The following UNC13C variants were observed in gnomAD, a reference collection of about 807,000 sequenced individuals.
UNC13C encodes the protein unc-13 homolog C.
A neutral mutation model predicts 245.4 loss-of-function variants in UNC13C; 174 were observed. The observed-to-expected ratio is 0.71, with a 90% confidence interval of 0.63 to 0.80. The LOEUF (loss-of-function observed/expected upper bound fraction) is 0.80. Ranked by LOEUF, UNC13C falls within the 30% of genes least tolerant of loss-of-function variation. The pLI, the probability that UNC13C is intolerant of heterozygous loss-of-function variation, is 0.00. For missense variants in UNC13C, 2,829 were observed against 2,602.9 expected (o/e 1.09, Z -1.89); for synonymous variants, 992 against 895.1 (o/e 1.11, Z -1.93).
chr15:54,143,754 T>A (rs372643939), intron 4 of UNC13C, 70 bp downstream of exon 4: 51 of 1,155,158 alleles, frequency 4.4e-5, no homozygotes, highest in African/African-American at 1.8e-4. Flanking sequence ...TCAACATATA[T>A]GCTTTGAGTG....
chr15:53,913,668 T>C, the UNC13C span: 1 of 152,206 alleles, frequency 6.6e-6, no homozygotes, highest in East Asian at 1.9e-4. Flanking sequence ...AGCAGTAAAG[T>C]ACACTGATTA....
intron 11 of UNC13C, among the ~76,000 whole-genome samples, chr15:54,296,118 T>C (rs902331522): frequency 9.9e-5 from 15 of 152,270 alleles, no homozygotes; most frequent in South Asian, 2.1e-4. Context: ...AAAGCTCCCC[T>C]GGATTTCTGG....
chr15:54,292,348 A>T (rs2037319620), intron 10 of UNC13C, among the ~76,000 whole-genome samples: 1 of 151,952 alleles, frequency 6.6e-6, no homozygotes, highest in Non-Finnish European at 1.5e-5. Flanking sequence ...TGGGGTATCT[A>T]AATCTCTAGC....
chr15:53,987,004 G>T (rs970408356), intron 1 of UNC13C, among the ~76,000 whole-genome samples: 2 of 152,072 alleles, frequency 1.3e-5, no homozygotes, highest in South Asian at 4.1e-4. Context: ...ATATTTACAG[G>T]TGAGGATACT....
chr15:54,153,870 T>C (rs1453683145), intron 4 of UNC13C, among the ~76,000 whole-genome samples: 1 of 152,002 alleles, frequency 6.6e-6, no homozygotes, highest in African/African-American at 2.4e-5. Context: ...GGGGTGGCTC[T>C]TATTGAAATG....
At position 54,103,753 on chromosome 15, in the gene UNC13C, A is replaced by AT. The variant is rs201418057; in HGVS notation, c.2984-39258dup. Among the ~76,000 whole-genome samples the AT allele has an allele frequency of 3.8e-3, 581 of 151,468 alleles. 6 individuals are homozygous for AT. Among genetic ancestry groups the AT allele is most frequent in the African/African-American group, 0.014 (558 of 41,290 alleles). On this transcript the variant is annotated intron_variant, in intron 2 of 32. Coordinates refer to ENST00000260323, the MANE Select transcript of UNC13C (RefSeq NM_001080534.3). ...ATAGATCTTTTTATTTTATTTATTT[A>AT]TTTTTTTATGAGACAGAGTCTCACT...
Position 54,500,952 on chromosome 15 carries a change from T to G in UNC13C, c.5275T>G (p.Ser1759Ala). ...KLECPNPEAL[S>A]HLMRRFAKTI... The stretch of plus-strand genomic sequence containing the variant: ...GGAATGCCCTAATCCTGAAGCATTA[T>G]CTCACTTAATGAGAAGATTTGCAAA... The change falls in exon 22 of 33, where the codon TCT becomes GCT. Residue 1759 changes from serine to alanine, a missense_variant. Coordinates refer to ENST00000260323, the MANE Select transcript of UNC13C (RefSeq NM_001080534.3). The G allele has an allele frequency of 6.2e-7, 1 of 1,612,864 alleles. No homozygotes were observed. Among genetic ancestry groups the G allele is most frequent in the Non-Finnish European group, 8.5e-7 (1 of 1,179,126 alleles).
the UNC13C span, among the ~76,000 whole-genome samples, chr15:53,957,132 CTTTT>C: frequency 4.0e-4 from 49 of 121,534 alleles, no homozygotes; most frequent in African/African-American, 1.5e-3. Context: ...TGGGAATGTT[CTTTT>C]TTGTTTGTTT....
chr15:53,906,958 G>A, the UNC13C span, among the ~76,000 whole-genome samples: 1 of 150,542 alleles, frequency 6.6e-6, no homozygotes, highest in Non-Finnish European at 1.5e-5. Context: ...TAACAGCATG[G>A]GGGAACCACC....
At chr15:54,124,784 A>G (rs2030923830) in intron 2 of UNC13C, among the ~76,000 whole-genome samples, 1 of 152,118 alleles carries the variant, frequency 6.6e-6, no homozygotes, top group Non-Finnish European at 1.5e-5. Flanking sequence ...TCATTTTGAG[A>G]TAATTTTTGC....
At chr15:54,281,283 A>C (rs2036989739) in intron 10 of UNC13C, among the ~76,000 whole-genome samples, 1 of 152,154 alleles carries the variant, frequency 6.6e-6, no homozygotes, top group African/African-American at 2.4e-5. Flanking sequence ...CTTTATACAG[A>C]GGTTTCCTTT....
intron 2 of UNC13C, among the ~76,000 whole-genome samples, chr15:54,079,905 CT>C: frequency 6.6e-6 from 1 of 151,204 alleles, no homozygotes; most frequent in Non-Finnish European, 1.5e-5. Context: ...AGGAGGAAGT[CT>C]TTCAACTTTT....
At chr15:54,452,191 G>C (rs1211029677) in intron 19 of UNC13C, among the ~76,000 whole-genome samples, 2 of 152,144 alleles carry the variant, frequency 1.3e-5, no homozygotes, top group African/African-American at 4.8e-5. Flanking sequence ...TTGAGCCCAA[G>C]AGCAATGTAC....
chr15:54,063,904 TG>T (rs1417671926), intron 2 of UNC13C, among the ~76,000 whole-genome samples: 3 of 152,176 alleles, frequency 2.0e-5, no homozygotes, highest in African/African-American at 7.2e-5. Flanking sequence ...ACAGGATTTT[TG>T]GAGGCACAAA....
Position 54,532,923 on chromosome 15 carries a change from G to T in UNC13C, c.5553G>T (p.Gln1851His). Residue 1851 changes from glutamine to histidine, a missense_variant, in exon 26 of 33, where the codon CAG becomes CAT. Gln to His is a conservative substitution (Grantham distance 24, BLOSUM62 0). Coordinates refer to ENST00000260323, the MANE Select transcript of UNC13C (RefSeq NM_001080534.3). Reference sequence around the variant, plus strand: ...TTATATTCTTTATTTTTAGTTTCCAGGTTATAATTGAAGAGTGTATAAAAC... The same window carrying T: ...TTATATTCTTTATTTTTAGTTTCCATGTTATAATTGAAGAGTGTATAAAAC... ...ELSVTYGESF[Q>H]VIIEECIKQM... The T allele has an allele frequency of 6.5e-7, 1 of 1,537,280 alleles. No homozygotes were observed. Among genetic ancestry groups the T allele is most frequent in the Non-Finnish European group, 8.8e-7 (1 of 1,133,452 alleles).
At chr15:54,625,292 TA>T (rs1901061388) in intron 32 of UNC13C, among the ~76,000 whole-genome samples, 2 of 132,888 alleles carry the variant, frequency 1.5e-5, no homozygotes, top group African/African-American at 5.6e-5. Context: ...TACTGAGATA[TA>T]GTCCCAACAG....
chr15:54,629,701 T>C (rs1901407709), downstream of UNC13C: 1 of 152,164 alleles, frequency 6.6e-6, no homozygotes, highest in Non-Finnish European at 1.5e-5. Context: ...TTAAGCTCTT[T>C]AGGAGCACAT....
At chr15:54,098,162 A>G (rs999072282) in intron 2 of UNC13C, among the ~76,000 whole-genome samples, 5 of 151,994 alleles carry the variant, frequency 3.3e-5, no homozygotes, top group South Asian at 2.1e-4. Context: ...GACTCCCTCT[A>G]TAGCGTTTTT....
At chr15:54,157,835 A>G in intron 4 of UNC13C, among the ~76,000 whole-genome samples, 1 of 152,224 alleles carries the variant, frequency 6.6e-6, no homozygotes, top group Non-Finnish European at 1.5e-5. Flanking sequence ...ACCTGACAAA[A>G]ACAAGAAATG....
Sources: gnomAD v4.1 joint callset for allele counts (sites outside exome capture counted in the v4.1 genomes callset) on GRCh38, gnomAD v4.1.1 for gene constraint, MANE v1.5 for transcripts, NCBI Gene and HGNC (gene_info 2026-07-23, HGNC 2026-07-21) for gene names.